THSD7A: variants seen among roughly 807,000 people sequenced by gnomAD.
THSD7A encodes the protein thrombospondin type 1 domain containing 7A.
Under a neutral mutation model 231.3 loss-of-function variants are expected in THSD7A, and 96 were observed. The observed-to-expected ratio is 0.41, with a 90% confidence interval of 0.35 to 0.49. The LOEUF is 0.49. Among genes scored for constraint, THSD7A ranks in the 20% least tolerant of loss-of-function variants. THSD7A has a pLI of 0.05. For missense variants in THSD7A, 2,290 were observed against 2,070.2 expected (o/e 1.11, Z -2.06); for synonymous variants, 940 against 743.3 (o/e 1.26, Z -4.30).
At chr7:11,460,789 A>C (rs1274700833) in intron 10 of THSD7A, 24 bp from the exon 11 acceptor site, 3 of 1,595,056 alleles carry the variant, frequency 1.9e-6, no homozygotes, top group Non-Finnish European at 1.7e-6. Flanking sequence ...ACAGAAGCCC[A>C]GTGGGGAAGA....
chr7:11,376,743 T>C lies in THSD7A; in HGVS notation c.4802-86A>G, dbSNP rs886222601. On this transcript the variant is annotated intron_variant, in intron 26 of 27. Coordinates refer to ENST00000423059, the MANE Select transcript of THSD7A (RefSeq NM_015204.3). ...TAACTATGACCAATGATCAGTCATA[T>C]ATGACCAATTTCTTTCAAAACCCGA... 5.3e-6 allele frequency: 5 copies of C among 938,356 alleles called. No individual in the cohort carries two copies. The African/African-American group carries it at 6.6e-5, about 12-fold the overall frequency. The allele number at this position is 938,356 out of a possible 1,614,324, so 58.1% of individuals were successfully genotyped here.
chr7:11,599,183 A>C (rs1780467726), intron 2 of THSD7A, among the ~76,000 whole-genome samples: 1 of 152,238 alleles, frequency 6.6e-6, no homozygotes, highest in Non-Finnish European at 1.5e-5. Context: ...GGCGTCTCTT[A>C]GTATTACCAT....
chr7:11,633,309 G>T (rs1424333140), intron 2 of THSD7A, among the ~76,000 whole-genome samples: 1 of 152,200 alleles, frequency 6.6e-6, no homozygotes, highest in African/African-American at 2.4e-5. Flanking sequence ...GTGTCCTAGT[G>T]TATGTGTAGT....
intron 4 of THSD7A, among the ~76,000 whole-genome samples, chr7:11,575,035 A>G (rs1790828983): frequency 6.6e-6 from 1 of 152,138 alleles, no homozygotes; most frequent in African/African-American, 2.4e-5. Context: ...AGCTCTTTGT[A>G]CGTCCATATT....
In THSD7A at chr7:11,406,195, G is replaced by C; in HGVS notation, c.4237+105C>G. 1 of 1,163,422 alleles carries C rather than the reference G, an allele frequency of 8.6e-7. No homozygotes were observed. The highest frequency in any genetic ancestry group is 1.2e-6 in the Non-Finnish European group (1 of 825,354). The allele number at this position is 1,163,422 out of a possible 1,614,324, so 72.1% of individuals were successfully genotyped here. ...TGTTGGCATAGATATTACTGAATAAGAAGACTGTTGACATCCTGTAACTTA... is the reference window on the plus strand; with the variant it reads ...TGTTGGCATAGATATTACTGAATAACAAGACTGTTGACATCCTGTAACTTA... On this transcript the variant is annotated intron_variant, in intron 22 of 27. Transcript: ENST00000423059. The surrounding 1 kb of genome is among the most constrained non-coding windows in gnomAD (Gnocchi z 4.7).
At chr7:11,695,156 T>C (rs542961278) in intron 1 of THSD7A, among the ~76,000 whole-genome samples, 14 of 151,682 alleles carry the variant, frequency 9.2e-5, no homozygotes, top group African/African-American at 3.4e-4. Flanking sequence ...TTAAGTTTCA[T>C]AGATCTTTCA....
At chr7:11,424,114 C>T (rs941454002) in intron 16 of THSD7A, among the ~76,000 whole-genome samples, 9 of 152,122 alleles carry the variant, frequency 5.9e-5, no homozygotes, top group Admixed American at 5.9e-4. Context: ...AGCTGCCAGC[C>T]ACATGTGGCT....
intron 1 of THSD7A, among the ~76,000 whole-genome samples, chr7:11,734,275 G>C (rs1562515053): frequency 6.6e-6 from 1 of 151,926 alleles, no homozygotes; most frequent in Non-Finnish European, 1.5e-5. Context: ...CCACAGGCAG[G>C]TGAATTATTC....
intron 6 of THSD7A, among the ~76,000 whole-genome samples, chr7:11,487,415 G>T (rs993783725): frequency 6.6e-6 from 1 of 152,062 alleles, no homozygotes; most frequent in African/African-American, 2.4e-5. Context: ...ATAAACCATG[G>T]TTTATCAAGG....
intron 4 of THSD7A, among the ~76,000 whole-genome samples, chr7:11,559,324 G>A (rs1789981327): frequency 6.6e-6 from 1 of 152,108 alleles, no homozygotes; most frequent in African/African-American, 2.4e-5. Flanking sequence ...TGTTATGGAG[G>A]CAGTAGAAAA....
At chr7:11,639,651 G>C (rs1782003656) in intron 1 of THSD7A, among the ~76,000 whole-genome samples, 1 of 151,460 alleles carries the variant, frequency 6.6e-6, no homozygotes, top group Non-Finnish European at 1.5e-5. Context: ...CTGGGCAACA[G>C]ATTGAGACTC....
chr7:11,492,742 A>T (rs1786949042), intron 6 of THSD7A, among the ~76,000 whole-genome samples: 1 of 152,110 alleles, frequency 6.6e-6, no homozygotes, highest in South Asian at 2.1e-4. Context: ...GAAGGCTTTG[A>T]AGCAGAATCT....
intron 1 of THSD7A, among the ~76,000 whole-genome samples, chr7:11,768,966 T>C (rs1399559350): frequency 6.7e-6 from 1 of 149,748 alleles, no homozygotes; most frequent in Non-Finnish European, 1.5e-5. Flanking sequence ...ATTTTTGTTT[T>C]GATTTTTTTG....
rs988834297 is a variant in THSD7A, at chr7:11,370,954, G to C, written c.*4840C>G. ...GGAAAAGTTTACTTGAGGGTTAAAA[G>C]TAGGTAATCTAGAAACTATGGCTTA... On this transcript the variant is annotated 3_prime_UTR_variant, in exon 28 of 28. Coordinates refer to ENST00000423059, the MANE Select transcript of THSD7A (RefSeq NM_015204.3). 3 of 152,186 alleles carry C rather than the reference G, an allele frequency of 2.0e-5. No individual in the cohort carries two copies. The highest frequency in any genetic ancestry group is 3.9e-4 in the East Asian group (2 of 5,178). The allele number at this position is 152,186 out of a possible 1,614,324, so 9.4% of individuals were successfully genotyped here.
At chr7:11,747,759 C>T (rs28609564) in intron 1 of THSD7A, among the ~76,000 whole-genome samples, 4,047 of 151,918 alleles carry the variant, frequency 0.027, 198 homozygotes, top group African/African-American at 0.093. Flanking sequence ...AGTTTAATTT[C>T]TTTGGAAGGC....
intron 1 of THSD7A, among the ~76,000 whole-genome samples, chr7:11,758,418 C>A (rs1469320247): frequency 6.6e-6 from 1 of 152,000 alleles, no homozygotes; most frequent in Non-Finnish European, 1.5e-5. Flanking sequence ...AATAAGAAAG[C>A]ATGAATGCAG....
In THSD7A at chr7:11,370,668, A is replaced by ATATT. The variant is rs1471882029; in HGVS notation, c.*5122_*5125dup. 1.3e-5 allele frequency: 2 copies of ATATT among 152,188 alleles called. No homozygotes were observed. The highest frequency in any genetic ancestry group is 4.8e-5 in the African/African-American group (2 of 41,462). 9.4% of individuals were successfully genotyped at this position (152,188 alleles called of 1,614,324 possible). A position where few individuals can be genotyped will look rare whatever the true frequency, so the allele number is the denominator to read the frequency against. ...ATTACATTACGCAATTTACAAAGTA[A>ATATT]TATTAACAAAAATTCTTAGACAGCT... On this transcript the variant is annotated 3_prime_UTR_variant, in exon 28 of 28. Transcript: ENST00000423059.
At chr7:11,751,329 G>C (rs758875771) in intron 1 of THSD7A, 21 of 150,694 alleles carry the variant, frequency 1.4e-4, no homozygotes, top group Non-Finnish European at 2.7e-4. Context: ...TTTTCTATTA[G>C]GGGAGGAAAA....
At chr7:11,554,968 G>T (rs76164901) in intron 4 of THSD7A, among the ~76,000 whole-genome samples, 2,984 of 151,796 alleles carry the variant, frequency 0.02, 114 homozygotes, top group African/African-American at 0.068. Context: ...TTTCATTCCT[G>T]GTGTTGGTGA....
Sources: gnomAD v4.1 joint callset for allele counts (sites outside exome capture counted in the v4.1 genomes callset) on GRCh38, gnomAD v4.1.1 for gene constraint, Gnocchi (gnomAD v3.1) non-coding constraint, MANE v1.5 for transcripts, NCBI Gene and HGNC (gene_info 2026-07-23, HGNC 2026-07-21) for gene names.